Variants in SHISA9 observed in about 807,000 individuals in gnomAD.
SHISA9 encodes the protein shisa family member 9, also known as protein shisa-9.
Under a neutral mutation model 38.0 loss-of-function variants are expected in SHISA9, and 13 were observed. The ratio of observed to expected loss-of-function variants is 0.34; its 90% CI spans 0.22 to 0.54. The LOEUF is 0.54. Ranked by LOEUF, SHISA9 falls within the 20% of genes least tolerant of loss-of-function variation. The probability of loss-of-function intolerance (pLI) is 0.91; values close to 1 mark genes in which losing one functional copy is unlikely to be tolerated. For synonymous variants in SHISA9, 275 were observed against 242.0 expected (o/e 1.14, Z -1.27); for missense variants, 538 against 575.8 (o/e 0.93, Z 0.67).
chr16:13,457,256 A>C, the SHISA9 span, among the ~76,000 whole-genome samples: 1 of 152,212 alleles, frequency 6.6e-6, no homozygotes. Context: ...CAGTGAGCCA[A>C]GATCGCACCA....
the SHISA9 span, among the ~76,000 whole-genome samples, chr16:13,450,358 A>G: frequency 0.01 from 1,525 of 152,286 alleles, 22 homozygotes; most frequent in African/African-American, 0.035. Flanking sequence ...GTCGAAGTGA[A>G]TATTACTCTT....
chr16:13,434,419 G>GTTTTTTGTTTTTTTTTTTTTTTTTTT, the SHISA9 span, among the ~76,000 whole-genome samples: 1 of 64,566 alleles, frequency 1.5e-5, no homozygotes, highest in South Asian at 5.0e-4. Context: ...GACAAGCTAT[G>GTTTTTTGTTTTTTTTTTTTTTTTTTT]TTTTTTTTTT....
intron 2 of SHISA9, among the ~76,000 whole-genome samples, chr16:12,997,467 T>G (rs937070250): frequency 2.0e-5 from 3 of 150,266 alleles, no homozygotes; most frequent in Non-Finnish European, 4.4e-5. Context: ...AGTGCAATGG[T>G]GCGATCTCAG....
chr16:12,968,853 A>G (rs188998820), intron 2 of SHISA9, among the ~76,000 whole-genome samples: 25 of 152,272 alleles, frequency 1.6e-4, no homozygotes, highest in South Asian at 6.2e-4. Flanking sequence ...CTGTGTTCCA[A>G]TAGAATTTTA....
chr16:13,384,499 C>A, the SHISA9 span, among the ~76,000 whole-genome samples: 1 of 152,160 alleles, frequency 6.6e-6, no homozygotes, highest in African/African-American at 2.4e-5. Context: ...TGGTAGGTTT[C>A]CAATACCACT....
chr16:13,403,438 G>C, the SHISA9 span, among the ~76,000 whole-genome samples: 1,366 of 152,314 alleles, frequency 9.0e-3, 20 homozygotes, highest in African/African-American at 0.031. Flanking sequence ...TGGATGATTG[G>C]ATGAATGAGT....
At chr16:13,013,782 C>T (rs2072707803) in intron 2 of SHISA9, among the ~76,000 whole-genome samples, 1 of 151,964 alleles carries the variant, frequency 6.6e-6, no homozygotes, top group Admixed American at 6.6e-5. Flanking sequence ...GGCTGGAGTG[C>T]AGTGGCGAGA....
chr16:13,142,287 C>A (rs2050408534), intron 2 of SHISA9, among the ~76,000 whole-genome samples: 1 of 152,266 alleles, frequency 6.6e-6, no homozygotes, highest in South Asian at 2.1e-4. Flanking sequence ...TTAGGTCTTC[C>A]CTAAGCCCAG....
At chr16:13,527,757 C>G in the SHISA9 span, among the ~76,000 whole-genome samples, 1 of 152,166 alleles carries the variant, frequency 6.6e-6, no homozygotes, top group Non-Finnish European at 1.5e-5. Flanking sequence ...TAAATTCCCC[C>G]TTTTTGCTTA....
At chr16:12,957,627 G>C (rs1358685590) in intron 2 of SHISA9, among the ~76,000 whole-genome samples, 1 of 152,144 alleles carries the variant, frequency 6.6e-6, no homozygotes. Flanking sequence ...TCACATTGAG[G>C]GGTAGGATTT....
intron 2 of SHISA9, among the ~76,000 whole-genome samples, chr16:13,133,960 G>A (rs1425106801): frequency 1.3e-5 from 2 of 152,192 alleles, no homozygotes; most frequent in Non-Finnish European, 2.9e-5. Context: ...GATTCTATTA[G>A]TGTTTAAAAA....
chr16:13,142,543 T>A (rs1279777120), intron 2 of SHISA9, among the ~76,000 whole-genome samples: 2 of 152,188 alleles, frequency 1.3e-5, no homozygotes, highest in African/African-American at 4.8e-5. Flanking sequence ...CAAGTCTTCA[T>A]ATAGAGTTGT....
At chr16:13,070,705 C>A (rs369199002) in intron 2 of SHISA9, among the ~76,000 whole-genome samples, 1 of 152,184 alleles carries the variant, frequency 6.6e-6, no homozygotes, top group South Asian at 2.1e-4. Context: ...TATAGGCATT[C>A]GCTCATTAGC....
intron 2 of SHISA9, among the ~76,000 whole-genome samples, chr16:13,097,054 A>T (rs992930130): frequency 1.3e-5 from 2 of 152,224 alleles, no homozygotes; most frequent in African/African-American, 4.8e-5. Flanking sequence ...CTCCATGAAG[A>T]CAGGGACTGT....
At chr16:13,377,700 G>A in the SHISA9 span, among the ~76,000 whole-genome samples, 1 of 152,118 alleles carries the variant, frequency 6.6e-6, no homozygotes, top group African/African-American at 2.4e-5. Flanking sequence ...TCCCTCTTGG[G>A]AATATCCTTT....
chr16:13,204,143 T>TATCA (rs1488046294), intron 3 of SHISA9, among the ~76,000 whole-genome samples: 2 of 82,656 alleles, frequency 2.4e-5, no homozygotes. Flanking sequence ...ATTATCTATC[T>TATCA]ATCTATCTAT....
intron 2 of SHISA9, among the ~76,000 whole-genome samples, chr16:12,946,920 AT>A (rs2071696527): frequency 6.6e-6 from 1 of 152,196 alleles, no homozygotes; most frequent in African/African-American, 2.4e-5. Context: ...AGACACGCTC[AT>A]TTTTTCACGT....
At chr16:13,123,391 C>T (rs907707101) in intron 2 of SHISA9, among the ~76,000 whole-genome samples, 2 of 152,188 alleles carry the variant, frequency 1.3e-5, no homozygotes, top group African/African-American at 4.8e-5. Flanking sequence ...TAGTCTAATC[C>T]ATTGGGAGTG....
At chr16:12,957,875 G>C (rs1337736696) in intron 2 of SHISA9, among the ~76,000 whole-genome samples, 7 of 152,154 alleles carry the variant, frequency 4.6e-5, no homozygotes, top group Admixed American at 4.6e-4. Flanking sequence ...CAGAGACAGA[G>C]AGAGCTCTGG....
Sources: allele counts gnomAD v4.1 joint callset (sites outside exome capture counted in the v4.1 genomes callset), GRCh38; gene constraint gnomAD v4.1.1; transcripts MANE v1.5; gene names NCBI Gene and HGNC (gene_info 2026-07-23, HGNC 2026-07-21).